Variants in CACNA2D4 observed in about 807,000 individuals in gnomAD.
The protein encoded by CACNA2D4 is calcium voltage-gated channel auxiliary subunit alpha2delta 4.
CACNA2D4 carries 157 observed loss-of-function variants against 163.8 expected under a neutral mutation model. The observed-to-expected ratio is 0.96, with a 90% CI of 0.84 to 1.09. The LOEUF (loss-of-function observed/expected upper bound fraction) is 1.09. Among genes scored for constraint, CACNA2D4 ranks in the 50% least tolerant of loss-of-function variants. CACNA2D4 has a pLI of 0.00. For missense variants in CACNA2D4, 1,410 were observed against 1,479.9 expected, an observed-to-expected ratio of 0.95 and a Z score of 0.78; for synonymous variants, 598 against 586.9, an observed-to-expected ratio of 1.02 and a Z score of -0.27.
chr12:1,915,664 C>A (rs770481734), intron 1 of CACNA2D4, among the ~76,000 whole-genome samples: 1 of 152,238 alleles, frequency 6.6e-6, no homozygotes, highest in African/African-American at 2.4e-5. Flanking sequence ...GGAGGCCACA[C>A]CTCACCCTCT....
intron 1 of CACNA2D4, chr12:1,915,266 C>T (rs900007881): frequency 5.7e-6 from 4 of 702,598 alleles, no homozygotes; most frequent in African/African-American, 1.7e-5. Flanking sequence ...CAGGACCCAG[C>T]GGCTGCACTG....
intron 6 of CACNA2D4, among the ~76,000 whole-genome samples, chr12:1,892,142 G>C (rs986616526): frequency 3.3e-5 from 5 of 152,090 alleles, no homozygotes; most frequent in Non-Finnish European, 7.4e-5. Flanking sequence ...GACAAAGAGA[G>C]AATTCTAAAA....
intron 19 of CACNA2D4, among the ~76,000 whole-genome samples, chr12:1,859,833 C>T (rs746403113): frequency 2.0e-5 from 3 of 152,218 alleles, no homozygotes; most frequent in Non-Finnish European, 2.9e-5. Flanking sequence ...GGCTGCTGGA[C>T]GCTGATGAGC....
intron 1 of CACNA2D4, 177 bp from the exon 2 acceptor site, chr12:1,915,112 TACAC>T: frequency 2.8e-6 from 2 of 705,580 alleles, no homozygotes. Context: ...CACACACACG[TACAC>T]ACACATACAT....
At chr12:1,913,349 A>G (rs1866882305) in intron 2 of CACNA2D4, among the ~76,000 whole-genome samples, 1 of 152,166 alleles carries the variant, frequency 6.6e-6, no homozygotes, top group African/African-American at 2.4e-5. Context: ...TCTCTGTTCC[A>G]GGTGCTCTAG....
chr12:1,855,105 T>C (rs1865370650), intron 22 of CACNA2D4, among the ~76,000 whole-genome samples: 1 of 152,132 alleles, frequency 6.6e-6, no homozygotes, highest in Non-Finnish European at 1.5e-5. Flanking sequence ...TCATGGCGCT[T>C]ATCACAATTT....
intron 6 of CACNA2D4, among the ~76,000 whole-genome samples, chr12:1,900,542 AT>A (rs1866512562): frequency 6.6e-6 from 1 of 152,214 alleles, no homozygotes; most frequent in African/African-American, 2.4e-5. Flanking sequence ...TGGAAAACCA[AT>A]TTGGAATTTT....
chr12:1,847,327 T>C (rs575716375), intron 23 of CACNA2D4, among the ~76,000 whole-genome samples: 6 of 152,200 alleles, frequency 3.9e-5, no homozygotes, highest in Non-Finnish European at 8.8e-5. Context: ...TTTGGCACAG[T>C]GGATAGGAGG....
intron 22 of CACNA2D4, among the ~76,000 whole-genome samples, chr12:1,854,298 C>A (rs1428578214): frequency 6.6e-6 from 1 of 152,262 alleles, no homozygotes; most frequent in East Asian, 1.9e-4. Context: ...ACTTAGGAGA[C>A]CCTCAGTGAC....
Position 1,903,974 on chromosome 12 carries a change from G to T in CACNA2D4, c.781+3466C>A, listed in dbSNP as rs941660719. On this transcript the variant is annotated intron_variant, in intron 6 of 37. Coordinates refer to ENST00000382722, the MANE Select transcript of CACNA2D4 (RefSeq NM_172364.5). ...GCCAAGATTTGTAAACAATCTAAAT[G>T]TCCATCAACATTAGAAGAATGGATA... is the stretch of plus-strand genomic sequence containing the variant. Among the ~76,000 whole-genome samples, 10 of 152,020 alleles carry T rather than the reference G, an allele frequency of 6.6e-5. 1 individual carries two copies. The highest frequency in any genetic ancestry group is 6.5e-4 in the Admixed American group (10 of 15,270).
In CACNA2D4 at chr12:1,844,562, G is replaced by T. The variant is rs1281815921; in HGVS notation, c.2343-33C>A. ...GAGGAAGATGTGGTACCTCTCCCCA[G>T]ATCTGTGAACACAGTCATCACTCTT... On this transcript the variant is annotated intron_variant, in intron 24 of 37. Coordinates refer to ENST00000382722, the MANE Select transcript of CACNA2D4 (RefSeq NM_172364.5). This position sits in a 1 kb window ranked among gnomAD's most constrained non-coding sequence, Gnocchi z 4.2. 3 of 1,603,220 alleles carry T rather than the reference G, an allele frequency of 1.9e-6. No individual in the cohort carries two copies. Among genetic ancestry groups the T allele is most frequent in the East Asian group, 2.2e-5 (1 of 44,658 alleles).
At chr12:1,831,366 C>T (rs149305538) in intron 26 of CACNA2D4, 54 of 1,613,954 alleles carry the variant, frequency 3.3e-5, no homozygotes, top group Non-Finnish European at 4.1e-5. Flanking sequence ...CCTGGCTCTG[C>T]GCTCCCTCTC....
At chr12:1,831,494 C>G in intron 26 of CACNA2D4, 1 of 1,613,690 alleles carries the variant, frequency 6.2e-7, no homozygotes, top group Non-Finnish European at 8.5e-7. Context: ...TGCGTGAGTT[C>G]AAACACTGGA....
intron 18 of CACNA2D4, among the ~76,000 whole-genome samples, chr12:1,863,758 A>G (rs1865575683): frequency 6.6e-6 from 1 of 152,154 alleles, no homozygotes; most frequent in Non-Finnish European, 1.5e-5. Context: ...GTTACAGGCA[A>G]TGCATTATGT....
At position 1,802,785 on chromosome 12, in the gene CACNA2D4, C is replaced by T. The variant is rs949344936; in HGVS notation, c.2722-1141G>A. On this transcript the variant is annotated intron_variant, in intron 29 of 37. Transcript: ENST00000382722. This position sits in a 1 kb window ranked among gnomAD's most constrained non-coding sequence, Gnocchi z 4.7. The stretch of plus-strand genomic sequence containing the variant: ...CATGCCAAGGAACTTCTTTCCTCAC[C>T]CTCGCTGGGAAGTCTTTCTATTCTA... Among the ~76,000 whole-genome samples the T allele has an allele frequency of 4.6e-5, 7 of 152,332 alleles. No homozygotes were observed. Among genetic ancestry groups the T allele is most frequent in the Non-Finnish European group, 7.3e-5 (5 of 68,030 alleles).
chr12:1,795,942 A>T, intron 35 of CACNA2D4, 162 bp from the exon 36 acceptor site: 1 of 628,386 alleles, frequency 1.6e-6, no homozygotes, highest in Admixed American at 2.6e-5. Flanking sequence ...GGCCTGGCAG[A>T]TGGCTCAGTC....
rs1173295419 is a variant in CACNA2D4, at chr12:1,810,424, G to C, written c.2659-84C>G. ...GCCTGTCCCCCAGCTCTGGAAGGCA[G>C]CGTGGGAGCTTCACTGCAGGGAAGG... On this transcript the variant is annotated intron_variant, in intron 28 of 37. Coordinates refer to ENST00000382722, the MANE Select transcript of CACNA2D4 (RefSeq NM_172364.5). 2.0e-6 allele frequency: 3 copies of C among 1,530,530 alleles called. No homozygotes were observed. The African/African-American group carries it at 4.1e-5, about 21-fold the overall frequency. The allele number at this position is 1,530,530 out of a possible 1,614,324, so 94.8% of individuals were successfully genotyped here.
intron 26 of CACNA2D4, among the ~76,000 whole-genome samples, chr12:1,817,973 T>G (rs1325162849): frequency 7.2e-6 from 1 of 138,978 alleles, no homozygotes; most frequent in African/African-American, 2.9e-5. Flanking sequence ...AGCCTCTCTG[T>G]CTGGCTGCCC....
At chr12:1,807,443 C>T (rs537316582) in intron 29 of CACNA2D4, among the ~76,000 whole-genome samples, 79 of 151,744 alleles carry the variant, frequency 5.2e-4, no homozygotes, top group African/African-American at 1.7e-3. Flanking sequence ...TTGTAAGCCA[C>T]TCTTTTTGCC....
Sources: gnomAD v4.1 joint callset for allele counts (sites outside exome capture counted in the v4.1 genomes callset) on GRCh38, gnomAD v4.1.1 for gene constraint, Gnocchi (gnomAD v3.1) non-coding constraint, MANE v1.5 for transcripts, NCBI Gene and HGNC (gene_info 2026-07-23, HGNC 2026-07-21) for gene names.